PCNX1: variants seen among roughly 807,000 people sequenced by gnomAD.
PCNX1 encodes the protein pecanex 1.
A neutral mutation model predicts 242.2 loss-of-function variants in PCNX1; 78 were observed. The observed-to-expected ratio is 0.32, with a 90% CI of 0.27 to 0.39. The LOEUF is 0.39. PCNX1 is among the 10% of genes least tolerant of loss of function. The pLI, the probability that PCNX1 is intolerant of heterozygous loss-of-function variation, is 1.00. For synonymous variants in PCNX1, 1,024 were observed against 1,032.9 expected, an observed-to-expected ratio of 0.99 and a Z score of 0.17; for missense variants, 2,581 against 2,856.5, an observed-to-expected ratio of 0.90 and a Z score of 2.20.
intron 6 of PCNX1, among the ~76,000 whole-genome samples, chr14:70,984,171 C>G (rs1376948707): frequency 1.3e-5 from 2 of 151,044 alleles, no homozygotes; most frequent in African/African-American, 4.8e-5. Flanking sequence ...TACTAAATGC[C>G]TATTTTTATT....
rs772831642 is a variant in PCNX1 at position 70,907,877 on chromosome 14, C to T, written c.27C>T (p.Leu9=). Residue 9 remains leucine, a synonymous_variant, in exon 1 of 36, where the codon CTC becomes CTT. Coordinates refer to ENST00000304743, the MANE Select transcript of PCNX1 (RefSeq NM_014982.3). The part of the protein sequence containing the change: MGSQTLQI[L]RQGVWAALSG... ...TGGGGTCGCAGACGCTGCAGATCCT[C>T]CGACAGGGGGTGTGGGCCGCGCTCA... is the stretch of plus-strand genomic sequence containing the variant. The T allele has an allele frequency of 5.2e-6, 8 of 1,532,370 alleles. No individual in the cohort carries two copies. Among genetic ancestry groups the T allele is most frequent in the East Asian group, 2.7e-5 (1 of 36,884 alleles). 94.9% of individuals were successfully genotyped at this position (1,532,370 alleles called of 1,614,324 possible).
chr14:71,005,368 C>T (rs2059624114), intron 8 of PCNX1, among the ~76,000 whole-genome samples: 1 of 151,974 alleles, frequency 6.6e-6, no homozygotes, highest in Non-Finnish European at 1.5e-5. Flanking sequence ...GTAAGCCAGG[C>T]ACTGTGGCGT....
At chr14:70,945,314 A>G (rs2057413586) in intron 1 of PCNX1, among the ~76,000 whole-genome samples, 1 of 152,244 alleles carries the variant, frequency 6.6e-6, no homozygotes. Flanking sequence ...TCTGATATTT[A>G]TGCATTTTGT....
intron 1 of PCNX1, among the ~76,000 whole-genome samples, chr14:70,939,211 T>G (rs897374297): frequency 6.6e-6 from 1 of 152,240 alleles, no homozygotes; most frequent in Non-Finnish European, 1.5e-5. Context: ...CTAGTTCTTT[T>G]AATTGTGATG....
intron 5 of PCNX1, among the ~76,000 whole-genome samples, chr14:70,976,038 A>G (rs1465236406): frequency 5.9e-5 from 9 of 151,896 alleles, no homozygotes; most frequent in Non-Finnish European, 1.2e-4. Flanking sequence ...TGGTCAGCCT[A>G]TTTTCGTTTG....
rs374125403 is a variant in PCNX1, at chr14:70,931,667, C to T, written c.154-15248C>T. Among the ~76,000 whole-genome samples the T allele has an allele frequency of 1.1e-4, 16 of 152,264 alleles. No homozygotes were observed. The East Asian group carries it at 2.5e-3, about 24-fold the overall frequency. On this transcript the variant is annotated intron_variant, in intron 1 of 35. Transcript: ENST00000304743. Reference sequence around the variant, plus strand: ...TTCTTTTTCTACAAGATACTATTAGCAGAACAGACAGAACTTTAAAGCCAA... The same window carrying T: ...TTCTTTTTCTACAAGATACTATTAGTAGAACAGACAGAACTTTAAAGCCAA...
At chr14:70,995,463 G>C (rs1270689542) in intron 7 of PCNX1, among the ~76,000 whole-genome samples, 3 of 152,044 alleles carry the variant, frequency 2.0e-5, no homozygotes, top group Admixed American at 6.6e-5. Flanking sequence ...CCTCACACTA[G>C]AATTTAGTTG....
rs2062767103 is a variant in PCNX1, at chr14:71,112,305, A to G, written c.*2370A>G. 1 of 152,108 alleles carries G rather than the reference A, an allele frequency of 6.6e-6. No homozygotes were observed. Among genetic ancestry groups the G allele is most frequent in the African/African-American group, 2.4e-5 (1 of 41,462 alleles). 9.4% of individuals were successfully genotyped at this position (152,108 alleles called of 1,614,324 possible). ...TTTCAAATGCAAGACTAGACTTTAT[A>G]TGGAACATATATGTTGGGTTTTGAT... On this transcript the variant is annotated 3_prime_UTR_variant, in exon 36 of 36. Coordinates refer to ENST00000304743, the MANE Select transcript of PCNX1 (RefSeq NM_014982.3).
chr14:70,959,636 A>C (rs1341706039), intron 2 of PCNX1, among the ~76,000 whole-genome samples: 1 of 150,534 alleles, frequency 6.6e-6, no homozygotes, highest in East Asian at 1.9e-4. Flanking sequence ...TCATTGTTGG[A>C]CATTTGGGTT....
intron 5 of PCNX1, among the ~76,000 whole-genome samples, chr14:70,973,107 A>G (rs2058589565): frequency 6.6e-6 from 1 of 151,818 alleles, no homozygotes; most frequent in Admixed American, 6.6e-5. Context: ...ACAAAAAATT[A>G]CCTGGGTGTG....
chr14:70,997,594 T>C (rs896929963), intron 8 of PCNX1, among the ~76,000 whole-genome samples: 9 of 152,196 alleles, frequency 5.9e-5, no homozygotes, highest in Admixed American at 3.3e-4. Context: ...ATATTCAGGA[T>C]ATTCTCTTGT....
intron 11 of PCNX1, among the ~76,000 whole-genome samples, chr14:71,015,829 C>G (rs897048346): frequency 9.2e-5 from 14 of 151,976 alleles, no homozygotes; most frequent in Non-Finnish European, 1.5e-5. Context: ...CAGAAAAAGT[C>G]AGAAATTGGC....
chr14:71,001,582 G>A (rs1202065924), intron 8 of PCNX1, among the ~76,000 whole-genome samples: 1 of 152,166 alleles, frequency 6.6e-6, no homozygotes. Flanking sequence ...ACAGGGACAG[G>A]TTGAGATATT....
At chr14:71,088,995 C>T (rs1055358194) in intron 29 of PCNX1, among the ~76,000 whole-genome samples, 197 bp from the exon 30 acceptor site, 2 of 152,100 alleles carry the variant, frequency 1.3e-5, no homozygotes, top group South Asian at 4.1e-4. Context: ...CTCACTATTA[C>T]AGTGGTTTAT....
intron 2 of PCNX1, among the ~76,000 whole-genome samples, chr14:70,957,720 C>T (rs1450298195): frequency 1.3e-5 from 2 of 152,004 alleles, no homozygotes; most frequent in African/African-American, 4.8e-5. Context: ...TTAATGAATA[C>T]GTTAAAAACC....
chr14:70,988,537 C>G, intron 6 of PCNX1, 30 bp from the exon 7 acceptor site: 1 of 1,606,898 alleles, frequency 6.2e-7, no homozygotes, highest in East Asian at 2.2e-5. Flanking sequence ...GACCTAGGCT[C>G]TTGTTTGACC....
At chr14:70,947,710 G>A (rs1384732643) in intron 2 of PCNX1, among the ~76,000 whole-genome samples, 1 of 152,188 alleles carries the variant, frequency 6.6e-6, no homozygotes, top group East Asian at 1.9e-4. Context: ...ATGAAATCTG[G>A]GCACCTAGAA....
At chr14:71,051,591 A>G (rs549495201) in intron 23 of PCNX1, among the ~76,000 whole-genome samples, 1 of 152,196 alleles carries the variant, frequency 6.6e-6, no homozygotes, top group Non-Finnish European at 1.5e-5. Context: ...CCTTGTGGAA[A>G]ATTGAACTCT....
rs1397765331 is a variant in PCNX1, at chr14:70,977,367, G to T, written c.1030G>T (p.Asp344Tyr). The change falls in exon 6 of 36, where the codon GAC (aspartate) becomes TAC (tyrosine). Residue 344 changes from aspartate (D) to tyrosine (Y), a missense_variant. Around this residue, in one of 9 missense-constraint regions of PCNX1, gnomAD observed 1,204 missense variants for 1,216.7 expected, o/e 0.99. Coordinates refer to ENST00000304743, the MANE Select transcript of PCNX1 (RefSeq NM_014982.3). The stretch of plus-strand genomic sequence containing the variant: ...ATCTGGGGAATTTCAGCTTGCTGGT[G>T]ACTTGAAAATCAATACTTCTCAGCC... ...GLSGEFQLAG[D>Y]LKINTSQPPT... is the part of the protein sequence containing the mutation. 1.3e-5 allele frequency: 21 copies of T among 1,614,130 alleles called. No homozygotes were observed. Among genetic ancestry groups the T allele is most frequent in the Non-Finnish European group, 1.6e-5 (19 of 1,180,036 alleles).
Sources: gnomAD v4.1 joint callset for allele counts (sites outside exome capture counted in the v4.1 genomes callset) on GRCh38, gnomAD v4.1.1 for gene constraint, gnomAD v4.1.1 regional missense constraint, MANE v1.5 for transcripts, NCBI Gene and HGNC (gene_info 2026-07-23, HGNC 2026-07-21) for gene names.